The following IFITM2 variants were observed in gnomAD, a reference collection of about 807,000 sequenced individuals.
The protein encoded by IFITM2 is interferon-induced transmembrane protein 2.
In IFITM2, 3 loss-of-function variants were observed where a neutral mutation model predicts 5.9. The ratio of observed to expected loss-of-function variants is 0.51; its 90% CI spans 0.23 to 1.32. The LOEUF (loss-of-function observed/expected upper bound fraction) is 1.32, where lower values mean the gene tolerates loss of function less well. Among genes scored for constraint, IFITM2 ranks in the 40% most tolerant of loss-of-function variants. The probability of loss-of-function intolerance (pLI) is 0.18; values close to 1 mark genes in which losing one functional copy is unlikely to be tolerated. For synonymous variants in IFITM2, 76 were observed against 72.4 expected, an observed-to-expected ratio of 1.05 and a Z score of -0.25; for missense variants, 159 against 175.9, an observed-to-expected ratio of 0.90 and a Z score of 0.54.
intron 1 of IFITM2, 171 bp downstream of exon 1, chr11:308,609 G>A (rs1435272126): frequency 1.9e-5 from 20 of 1,076,816 alleles, no homozygotes; most frequent in East Asian, 2.5e-5. Flanking sequence ...CTGTGTGTGT[G>A]TGTGGCTTGG....
rs1845990480 is a variant in IFITM2, at chr11:308,424, G to A, written c.232G>A (p.Ala78Thr). The A allele has an allele frequency of 2.5e-6, 4 of 1,613,528 alleles. No homozygotes were observed. The highest frequency in any genetic ancestry group is 2.2e-5 in the South Asian group (2 of 91,058). The change falls in exon 1 of 2, where the codon GCG becomes ACG. Residue 78 changes from alanine to threonine, a missense_variant. By Grantham distance (58) the Ala-to-Thr change is moderately conservative (BLOSUM62 0). Coordinates refer to ENST00000616316, the MANE Select transcript of IFITM2 (RefSeq NM_006435.3). ...NTCCLGFIAF[A>T]YSVKSRDRKM... ...CTGCTGCCTGGGCTTCATAGCATTC[G>A]CGTACTCCGTGAAGGTGCGTATGGC...
Position 307,952 on chromosome 11 carries a change from C to T in IFITM2, c.-241C>T. On this transcript the variant is annotated 5_prime_UTR_variant, in exon 1 of 2. Transcript: ENST00000616316. ...AGTCTCCAGGACCCCACACCACTAA[C>T]AAGATGAGACTTGTGCTCCTTTGGG... 1 of 443,646 alleles carries T rather than the reference C, an allele frequency of 2.3e-6. No homozygotes were observed. The highest frequency in any genetic ancestry group is 3.7e-6 in the Non-Finnish European group (1 of 268,296). 27.5% of individuals were successfully genotyped at this position (443,646 alleles called of 1,614,324 possible).
At position 308,290 on chromosome 11, in the gene IFITM2, T is replaced by C. The variant is rs1058900; in HGVS notation, c.98T>C (p.Val33Ala). Residue 33 changes from valine to alanine, a missense_variant, in exon 1 of 2, where the codon GTG (valine) becomes GCG (alanine). By Grantham distance (64) the Val-to-Ala change is moderately conservative (BLOSUM62 0). Coordinates refer to ENST00000616316, the MANE Select transcript of IFITM2 (RefSeq NM_006435.3). ...KEEQEVAMLG[V>A]PHNPAPPMST... ...GAGCAGGAAGTGGCTATGCTGGGGG[T>C]GCCCCACAACCCTGCTCCCCCGATG... The C allele has an allele frequency of 0.63, 1,014,977 of 1,612,608 alleles. 333,510 individuals are homozygous for C. The highest frequency in any genetic ancestry group is 1 in the East Asian group (44,751 of 44,788).
chr11:309,241 C>G lies in IFITM2; in HGVS notation c.*76C>G. 1 of 1,612,520 alleles carries G rather than the reference C, an allele frequency of 6.2e-7. No homozygotes were observed. Among genetic ancestry groups the G allele is most frequent in the Non-Finnish European group, 8.5e-7 (1 of 1,179,420 alleles). On this transcript the variant is annotated 3_prime_UTR_variant, in exon 2 of 2. Transcript: ENST00000616316. ...CGTACTCTATCTTCCATTCCTCGCC[C>G]TGCCCCCAGAGGCCAGGAGCTCTGC...
Position 309,046 on chromosome 11 carries a change from G to A in IFITM2, c.280G>A (p.Gly94Arg), listed in dbSNP as rs780682802. Residue 94 changes from glycine (G) to arginine (R), a missense_variant, in exon 2 of 2, where the codon GGG becomes AGG. By Grantham distance (125) the Gly-to-Arg change is moderately radical (BLOSUM62 -2). Coordinates refer to ENST00000616316, the MANE Select transcript of IFITM2 (RefSeq NM_006435.3). ...CAGGAAGATGGTTGGCGACGTGACC[G>A]GGGCCCAGGCCTATGCCTCCACCGC... ...RDRKMVGDVTGAQAYASTAKC... is the reference protein window; with the variant it reads ...RDRKMVGDVTRAQAYASTAKC... The A allele has an allele frequency of 2.0e-5, 33 of 1,614,022 alleles. No individual in the cohort carries two copies. The highest frequency in any genetic ancestry group is 2.6e-5 in the Non-Finnish European group (31 of 1,180,022).
chr11:308,351 G>T lies in IFITM2; in HGVS notation c.159G>T (p.Val53=). 1 of 1,613,730 alleles carries T rather than the reference G, an allele frequency of 6.2e-7. No individual in the cohort carries two copies. ...TVIHIRSETS[V]PDHVVWSLFN... is the part of the protein sequence containing the mutation. ...TCCACATCCGCAGCGAGACCTCCGT[G>T]CCTGACCATGTGGTCTGGTCCCTGT... Residue 53 remains valine (V), a synonymous_variant, in exon 1 of 2, where the codon GTG becomes GTT. Transcript: ENST00000616316.
Position 308,354 on chromosome 11 carries a change from T to C in IFITM2, c.162T>C (p.Pro54=), listed in dbSNP as rs17174550. ...ACATCCGCAGCGAGACCTCCGTGCC[T>C]GACCATGTGGTCTGGTCCCTGTTCA... ...VIHIRSETSV[P]DHVVWSLFNT... is the part of the protein sequence containing the mutation. The change falls in exon 1 of 2, where the codon CCT becomes CCC. Residue 54 remains proline, a synonymous_variant. Coordinates refer to ENST00000616316, the MANE Select transcript of IFITM2 (RefSeq NM_006435.3). 0.053 allele frequency: 84,427 copies of C among 1,579,144 alleles called. 3,369 individuals are homozygous for C. Among genetic ancestry groups the C allele is most frequent in the African/African-American group, 0.06 (4,499 of 74,390 alleles).
Position 309,348 on chromosome 11 carries a change from C to A in IFITM2, c.*183C>A. On this transcript the variant is annotated 3_prime_UTR_variant, in exon 2 of 2. Coordinates refer to ENST00000616316, the MANE Select transcript of IFITM2 (RefSeq NM_006435.3). Reference sequence around the variant, plus strand: ...GAGTCCTGCATCAGCCCTTTATCCTCACACGCTTTTCTACAATGGCATTCA... The same window carrying A: ...GAGTCCTGCATCAGCCCTTTATCCTAACACGCTTTTCTACAATGGCATTCA... 1 of 1,467,532 alleles carries A rather than the reference C, an allele frequency of 6.8e-7. No individual in the cohort carries two copies. 90.9% of individuals were successfully genotyped at this position (1,467,532 alleles called of 1,614,324 possible).
intron 1 of IFITM2, 36 bp downstream of exon 1, chr11:308,474 G>A (rs754129514): frequency 2.5e-5 from 40 of 1,609,824 alleles, no homozygotes; most frequent in Admixed American, 6.7e-5. Flanking sequence ...AGGGGGTGCC[G>A]GTGAGCCTGG....
Position 308,243 on chromosome 11 carries a change from C to T in IFITM2, c.51C>T (p.Pro17=), listed in dbSNP as rs1845987723. 1.2e-6 allele frequency: 2 copies of T among 1,614,040 alleles called. No individual in the cohort carries two copies. Among genetic ancestry groups the T allele is most frequent in the Non-Finnish European group, 1.7e-6 (2 of 1,180,042 alleles). ...CTCCTGTCAACAGCGGCCAGCCTCC[C>T]AACTACGAGATGCTCAAGGAGGAGC... ...TFSPVNSGQP[P]NYEMLKEEQE... is the part of the protein sequence containing the mutation. The change falls in exon 1 of 2, where the codon CCC becomes CCT. Residue 17 remains proline, a synonymous_variant. Transcript: ENST00000616316.
chr11:309,387 G>A lies in IFITM2; in HGVS notation c.*222G>A. 1 of 1,243,248 alleles carries A rather than the reference G, an allele frequency of 8.0e-7. No individual in the cohort carries two copies. 77.0% of individuals were successfully genotyped at this position (1,243,248 alleles called of 1,614,324 possible). A position where few individuals can be genotyped will look rare whatever the true frequency, so the allele number is the denominator to read the frequency against. ...CAATGGCATTCAATAAAGTGTATAT[G>A]TTTCTGGTGCTGCTGTGACTTCACC... On this transcript the variant is annotated 3_prime_UTR_variant, in exon 2 of 2. Transcript: ENST00000616316.
intron 1 of IFITM2, 95 bp downstream of exon 1, chr11:308,533 G>A: frequency 1.3e-6 from 2 of 1,524,620 alleles, no homozygotes; most frequent in Non-Finnish European, 9.0e-7. Context: ...GTGTGTCCCT[G>A]TGACTGTGAG....
Position 309,208 on chromosome 11 carries a change from G to C in IFITM2, c.*43G>C, listed in dbSNP as rs13364. 1 of 1,613,978 alleles carries C rather than the reference G, an allele frequency of 6.2e-7. No homozygotes were observed. The highest frequency in any genetic ancestry group is 1.7e-5 in the Admixed American group (1 of 60,006). On this transcript the variant is annotated 3_prime_UTR_variant, in exon 2 of 2. Transcript: ENST00000616316. ...AGGCCAGGAGCTCTGCCCGTGACCTGTATCCCACGTACTCTATCTTCCATT... is the reference window on the plus strand; with the variant it reads ...AGGCCAGGAGCTCTGCCCGTGACCTCTATCCCACGTACTCTATCTTCCATT...
In IFITM2 at chr11:309,306, G is replaced by C. The variant is rs1309033237; in HGVS notation, c.*141G>C. ...CCACTTACTCCACCTTCCATTCCTC[G>C]CCCTGTCCCCACAGCCGAGTCCTGC... On this transcript the variant is annotated 3_prime_UTR_variant, in exon 2 of 2. Coordinates refer to ENST00000616316, the MANE Select transcript of IFITM2 (RefSeq NM_006435.3). The C allele has an allele frequency of 5.2e-5, 81 of 1,564,102 alleles. No individual in the cohort carries two copies. Among genetic ancestry groups the C allele is most frequent in the Non-Finnish European group, 6.7e-5 (77 of 1,153,648 alleles).
chr11:309,186 C>T lies in IFITM2; in HGVS notation c.*21C>T, dbSNP rs188300724. On this transcript the variant is annotated 3_prime_UTR_variant, in exon 2 of 2. Coordinates refer to ENST00000616316, the MANE Select transcript of IFITM2 (RefSeq NM_006435.3). ...GATAGATCAGGAGGCATCATTGAGG[C>T]CAGGAGCTCTGCCCGTGACCTGTAT... 1.5e-4 allele frequency: 248 copies of T among 1,614,094 alleles called. No individual in the cohort carries two copies. In the Middle Eastern group the frequency reaches 4.6e-3, roughly 30 times the overall value.
At position 309,329 on chromosome 11, in the gene IFITM2, T is replaced by A; in HGVS notation, c.*164T>A. The stretch of plus-strand genomic sequence containing the variant: ...TCGCCCTGTCCCCACAGCCGAGTCC[T>A]GCATCAGCCCTTTATCCTCACACGC... On this transcript the variant is annotated 3_prime_UTR_variant, in exon 2 of 2. Transcript: ENST00000616316. The A allele has an allele frequency of 1.3e-6, 2 of 1,527,038 alleles. No homozygotes were observed. Among genetic ancestry groups the A allele is most frequent in the Non-Finnish European group, 1.8e-6 (2 of 1,129,586 alleles). 94.6% of individuals were successfully genotyped at this position (1,527,038 alleles called of 1,614,324 possible).
chr11:308,877 G>A, intron 1 of IFITM2, 136 bp from the exon 2 acceptor site: 1 of 1,342,464 alleles, frequency 7.4e-7, no homozygotes, highest in Non-Finnish European at 1.0e-6. Flanking sequence ...GGCTCCTGGA[G>A]AGTCTGAGCC....
intron 1 of IFITM2, 199 bp downstream of exon 1, chr11:308,637 G>T: frequency 1.1e-6 from 1 of 905,496 alleles, no homozygotes; most frequent in Non-Finnish European, 1.8e-6. Context: ...GCCCAGTGCA[G>T]GTCTAGGAGG....
chr11:309,351 A>G lies in IFITM2; in HGVS notation c.*186A>G. On this transcript the variant is annotated 3_prime_UTR_variant, in exon 2 of 2. Transcript: ENST00000616316. Reference sequence around the variant, plus strand: ...TCCTGCATCAGCCCTTTATCCTCACACGCTTTTCTACAATGGCATTCAATA... The same window carrying G: ...TCCTGCATCAGCCCTTTATCCTCACGCGCTTTTCTACAATGGCATTCAATA... 1 of 1,435,730 alleles carries G rather than the reference A, an allele frequency of 7.0e-7. No individual in the cohort carries two copies. Among genetic ancestry groups the G allele is most frequent in the South Asian group, 1.3e-5 (1 of 75,446 alleles). The allele number at this position is 1,435,730 out of a possible 1,614,324, so 88.9% of individuals were successfully genotyped here.
Sources: allele counts gnomAD v4.1 joint callset, GRCh38; gene constraint gnomAD v4.1.1; transcripts MANE v1.5; gene names NCBI Gene and HGNC (gene_info 2026-07-23, HGNC 2026-07-21).